The following DNAI7 variants were observed in gnomAD, a reference collection of about 807,000 sequenced individuals.
DNAI7 encodes cancer susceptibility 1.
Under a neutral mutation model 86.6 loss-of-function variants are expected in DNAI7, and 78 were observed. The ratio of observed to expected loss-of-function variants is 0.90; its 90% CI spans 0.75 to 1.09. DNAI7 has a LOEUF of 1.09. DNAI7 is among the 50% of genes least tolerant of loss of function. The probability of loss-of-function intolerance (pLI) is 0.00; values close to 1 mark genes in which losing one functional copy is unlikely to be tolerated. For missense variants in DNAI7, 753 were observed against 810.2 expected (o/e 0.93, Z 0.86); for synonymous variants, 274 against 273.0 (o/e 1.00, Z -0.04).
intron 2 of DNAI7, among the ~76,000 whole-genome samples, chr12:25,183,252 AG>A (rs1003132485): frequency 6.6e-6 from 1 of 151,940 alleles, no homozygotes; most frequent in Non-Finnish European, 1.5e-5. Context: ...AGCGGGGACA[AG>A]GGTTGAAAAA....
intron 9 of DNAI7, among the ~76,000 whole-genome samples, chr12:25,139,520 A>G (rs943803188): frequency 6.6e-6 from 1 of 152,190 alleles, no homozygotes; most frequent in Non-Finnish European, 1.5e-5. Flanking sequence ...TGCAGCCATA[A>G]AAAAGGATGA....
chr12:25,150,570 C>A (rs1231032027), intron 6 of DNAI7, among the ~76,000 whole-genome samples: 2 of 137,210 alleles, frequency 1.5e-5, no homozygotes, highest in Non-Finnish European at 3.0e-5. Flanking sequence ...CACCACTGCA[C>A]TCCAGCCTGG....
chr12:25,171,404 C>T (rs867370712), intron 2 of DNAI7, among the ~76,000 whole-genome samples: 1 of 152,036 alleles, frequency 6.6e-6, no homozygotes, highest in African/African-American at 2.4e-5. Context: ...AAAAATACAA[C>T]CCTCCTACCT....
intron 6 of DNAI7, among the ~76,000 whole-genome samples, chr12:25,153,352 T>C (rs929937181): frequency 6.6e-6 from 1 of 151,982 alleles, no homozygotes; most frequent in African/African-American, 2.4e-5. Context: ...ATCCGGGAGG[T>C]AGAGGTTGCG....
intron 13 of DNAI7, among the ~76,000 whole-genome samples, chr12:25,112,271 T>C (rs1939003920): frequency 6.6e-6 from 1 of 152,194 alleles, no homozygotes; most frequent in South Asian, 2.1e-4. Flanking sequence ...TAGATAACAA[T>C]TATGATTATA....
intron 9 of DNAI7, 67 bp from the exon 10 acceptor site, chr12:25,123,353 G>T: frequency 1.9e-6 from 2 of 1,053,380 alleles, no homozygotes; most frequent in Non-Finnish European, 1.4e-6. Context: ...TTGTCTTTGT[G>T]TTCCAGTCCT....
rs1226427482 is a variant in DNAI7 at position 25,154,392 on chromosome 12, A to C, written c.365T>G (p.Phe122Cys). Residue 122 changes from phenylalanine (F) to cysteine (C), a missense_variant, in exon 6 of 16, where the codon TTT becomes TGT. By Grantham distance (205) the Phe-to-Cys change is radical. Transcript: ENST00000395987. ...TGTTTTCTCTTTCCACAAACTAATA[A>C]ACGTGTTCATTTCTTGGGCTACTGA... is the stretch of plus-strand genomic sequence containing the variant. ...DPSVAQEMNT[F>C]ISLWKEKTNE... 6.2e-7 allele frequency: 1 copy of C among 1,612,198 alleles called. No homozygotes were observed. Among genetic ancestry groups the C allele is most frequent in the South Asian group, 1.1e-5 (1 of 90,630 alleles).
intron 9 of DNAI7, among the ~76,000 whole-genome samples, chr12:25,123,672 G>C (rs1165590422): frequency 6.6e-6 from 1 of 152,140 alleles, no homozygotes; most frequent in East Asian, 1.9e-4. Context: ...CTGCTTTTGG[G>C]TAAGTCTCTC....
At chr12:25,182,761 A>C (rs1405823542) in intron 2 of DNAI7, among the ~76,000 whole-genome samples, 5 of 150,396 alleles carry the variant, frequency 3.3e-5, no homozygotes, top group African/African-American at 2.5e-5. Flanking sequence ...CATCTCTAAA[A>C]AAAATTTTTT....
intron 6 of DNAI7, among the ~76,000 whole-genome samples, chr12:25,151,495 T>C (rs1945535476): frequency 1.3e-5 from 2 of 152,208 alleles, no homozygotes; most frequent in Admixed American, 6.5e-5. Flanking sequence ...CCTTTTCTCA[T>C]CGTTTTTGCT....
intron 11 of DNAI7, among the ~76,000 whole-genome samples, chr12:25,120,342 G>GAGAGAGAGAGAGA (rs71065905): frequency 1.6e-3 from 217 of 137,766 alleles, no homozygotes; most frequent in South Asian, 3.1e-3. Context: ...GAGAGAGAGA[G>GAGAGAGAGAGAGA]GAAGGAAGGG....
At position 25,114,740 on chromosome 12, in the gene DNAI7, C is replaced by A; in HGVS notation, c.1527G>T (p.Gln509His). The change falls in exon 13 of 16, where the codon CAG becomes CAT. Residue 509 changes from glutamine to histidine, a missense_variant. By Grantham distance (24) the Gln-to-His change is conservative. Transcript: ENST00000395987. Reference protein sequence around the residue: ...IQDAHINMPYQSWELRPLDVN... With the variant: ...IQDAHINMPYHSWELRPLDVN... ...CATCAAGTGGTCTTAGTTCCCATGA[C>A]TGGTACGGCATGTTAATATGAGCAT... 1.9e-6 allele frequency: 3 copies of A among 1,613,966 alleles called. No homozygotes were observed. The highest frequency in any genetic ancestry group is 2.5e-6 in the Non-Finnish European group (3 of 1,179,890).
chr12:25,150,409 C>T (rs1261267597), intron 6 of DNAI7, among the ~76,000 whole-genome samples: 1 of 151,982 alleles, frequency 6.6e-6, no homozygotes, highest in Admixed American at 6.6e-5. Flanking sequence ...TCAAGACTAT[C>T]CTGGCTAACA....
intron 3 of DNAI7, among the ~76,000 whole-genome samples, chr12:25,160,757 T>G (rs770531063): frequency 3.3e-5 from 5 of 152,164 alleles, no homozygotes; most frequent in Non-Finnish European, 4.4e-5. Flanking sequence ...TATATTCGAG[T>G]GCTATTTCTT....
intron 7 of DNAI7, among the ~76,000 whole-genome samples, chr12:25,147,800 A>G (rs922804084): frequency 1.4e-4 from 22 of 152,214 alleles, no homozygotes; most frequent in African/African-American, 5.1e-4. Flanking sequence ...ATTATACTGT[A>G]GACTATTCTA....
chr12:25,154,259 T>C lies in DNAI7; in HGVS notation c.438+60A>G, dbSNP rs180935744. 1.0e-5 allele frequency: 14 copies of C among 1,375,752 alleles called. No individual in the cohort carries two copies. The African/African-American group carries it at 1.8e-4, about 18-fold the overall frequency. The allele number at this position is 1,375,752 out of a possible 1,614,324, so 85.2% of individuals were successfully genotyped here. ...GGCAAATGATATATTAATTTTTATT[T>C]TGAGTTAATATCAGACTATTTGTAA... On this transcript the variant is annotated intron_variant, in intron 6 of 15. Transcript: ENST00000395987.
chr12:25,178,776 T>C (rs558228195), intron 2 of DNAI7, among the ~76,000 whole-genome samples: 38 of 152,214 alleles, frequency 2.5e-4, no homozygotes, highest in African/African-American at 7.5e-4. Flanking sequence ...GTGGTTTGGA[T>C]TGGCCTCATG....
intron 1 of DNAI7, 189 bp downstream of exon 1, chr12:25,194,887 T>C (rs1359486532): frequency 6.2e-7 from 1 of 1,614,074 alleles, no homozygotes; most frequent in Non-Finnish European, 8.5e-7. Flanking sequence ...GACTCCTACC[T>C]GTCCGCCTGG....
At chr12:25,181,823 A>T (rs1949528956) in intron 2 of DNAI7, among the ~76,000 whole-genome samples, 1 of 152,184 alleles carries the variant, frequency 6.6e-6, no homozygotes, top group Non-Finnish European at 1.5e-5. Context: ...ACAGTGAGAT[A>T]TCATCTCACA....
Sources: allele counts gnomAD v4.1 joint callset (sites outside exome capture counted in the v4.1 genomes callset), GRCh38; gene constraint gnomAD v4.1.1; transcripts MANE v1.5; gene names NCBI Gene and HGNC (gene_info 2026-07-23, HGNC 2026-07-21).